SNTG1: variants seen among roughly 807,000 people sequenced by gnomAD.
SNTG1 encodes the protein syntrophin gamma 1, also known as gamma-1-syntrophin.
Under a neutral mutation model 74.7 loss-of-function variants are expected in SNTG1, and 39 were observed. That is an observed-to-expected ratio of 0.52 (90% CI 0.40 to 0.68). The LOEUF is 0.68. SNTG1 is among the 30% of genes least tolerant of loss of function. The pLI is 0.00. For missense variants in SNTG1, 685 were observed against 609.5 expected, an observed-to-expected ratio of 1.12 and a Z score of -1.30; for synonymous variants, 254 against 217.1, an observed-to-expected ratio of 1.17 and a Z score of -1.49.
intron 16 of SNTG1, among the ~76,000 whole-genome samples, chr8:50,707,698 C>G (rs1156719903): frequency 7.5e-6 from 1 of 132,730 alleles, no homozygotes; most frequent in East Asian, 2.1e-4. Flanking sequence ...TCCTTTTTTT[C>G]TTCTCTCTCT....
intron 2 of SNTG1, among the ~76,000 whole-genome samples, chr8:50,379,332 C>A (rs1205225173): frequency 6.6e-6 from 1 of 152,130 alleles, no homozygotes; most frequent in Admixed American, 6.5e-5. Context: ...GCAGGGGGGG[C>A]CTTCATGGGC....
intron 8 of SNTG1, among the ~76,000 whole-genome samples, chr8:50,465,777 A>G (rs1271399950): frequency 1.3e-5 from 2 of 152,116 alleles, no homozygotes; most frequent in Admixed American, 6.6e-5. Context: ...CTGGCTTGAA[A>G]GCTCTTTTTG....
chr8:50,441,256 C>T (rs1246643516), intron 5 of SNTG1, among the ~76,000 whole-genome samples: 1 of 152,170 alleles, frequency 6.6e-6, no homozygotes, highest in African/African-American at 2.4e-5. Flanking sequence ...ATATTGCTGT[C>T]TCTCTCAAGC....
chr8:50,104,847 T>G (rs1023934718), intron 1 of SNTG1, among the ~76,000 whole-genome samples: 8 of 152,138 alleles, frequency 5.3e-5, no homozygotes, highest in Non-Finnish European at 1.0e-4. Flanking sequence ...TTTTGAGAAG[T>G]GTCTGTTCAT....
At chr8:50,538,647 G>A (rs1381656581) in intron 11 of SNTG1, among the ~76,000 whole-genome samples, 6 of 151,524 alleles carry the variant, frequency 4.0e-5, no homozygotes, top group South Asian at 4.1e-4. Flanking sequence ...TAATTATGAC[G>A]TATGTTGGCA....
chr8:50,699,078 T>C (rs1298748566), intron 15 of SNTG1, among the ~76,000 whole-genome samples: 1 of 152,168 alleles, frequency 6.6e-6, no homozygotes, highest in Non-Finnish European at 1.5e-5. Flanking sequence ...ATTAGAGATT[T>C]ATTTTGCCAA....
chr8:50,309,596 G>C (rs1051140541), intron 2 of SNTG1, among the ~76,000 whole-genome samples: 3 of 152,102 alleles, frequency 2.0e-5, no homozygotes, highest in African/African-American at 7.2e-5. Context: ...ATCTTTCTTG[G>C]TAATAAAACT....
rs1231787082 is a variant in SNTG1, at chr8:50,565,348, A to C, written c.810+12169A>C. Among the ~76,000 whole-genome samples, 4 of 152,050 alleles carry C rather than the reference A, an allele frequency of 2.6e-5. No homozygotes were observed. The East Asian group carries it at 7.7e-4, about 29-fold the overall frequency. ...CTTTCGTTAATATTAGTGTATTCAT[A>C]TCATTGTATTATTAATCATAATAAA... On this transcript the variant is annotated intron_variant, in intron 12 of 18. Transcript: ENST00000642720.
At chr8:50,097,070 C>A (rs900351849) in intron 1 of SNTG1, among the ~76,000 whole-genome samples, 1 of 151,878 alleles carries the variant, frequency 6.6e-6, no homozygotes, top group Non-Finnish European at 1.5e-5. Context: ...CCTGGGTTCA[C>A]ACCATTCTCC....
intron 9 of SNTG1, among the ~76,000 whole-genome samples, chr8:50,507,470 T>C (rs2094017403): frequency 6.6e-6 from 1 of 152,104 alleles, no homozygotes; most frequent in African/African-American, 2.4e-5. Context: ...CTTCGTATTT[T>C]GTGAGGAATT....
chr8:50,353,713 G>T (rs930558818), intron 2 of SNTG1, among the ~76,000 whole-genome samples: 6 of 152,142 alleles, frequency 3.9e-5, no homozygotes, highest in African/African-American at 1.4e-4. Flanking sequence ...GCCAAGGCCA[G>T]AAACCATTTC....
At chr8:50,734,856 T>G (rs28514747) in intron 17 of SNTG1, among the ~76,000 whole-genome samples, 6 of 118,550 alleles carry the variant, frequency 5.1e-5, no homozygotes, top group Non-Finnish European at 5.1e-5. Context: ...TGGACATATA[T>G]ATATCTATAT....
At chr8:50,792,122 C>T (rs964465563) in intron 18 of SNTG1, among the ~76,000 whole-genome samples, 1 of 150,080 alleles carries the variant, frequency 6.7e-6, no homozygotes, top group Non-Finnish European at 1.5e-5. Context: ...AACCATTAAA[C>T]AGCCAGCCAC....
chr8:50,587,160 A>C (rs1274199466), intron 12 of SNTG1, among the ~76,000 whole-genome samples: 5 of 151,686 alleles, frequency 3.3e-5, no homozygotes, highest in Non-Finnish European at 7.4e-5. Flanking sequence ...TGCATATATA[A>C]ATTTATATAT....
chr8:50,654,036 G>C (rs1265370933), intron 13 of SNTG1, among the ~76,000 whole-genome samples: 1 of 152,008 alleles, frequency 6.6e-6, no homozygotes, highest in African/African-American at 2.4e-5. Flanking sequence ...GTTCTCTGAA[G>C]ACACATGCCA....
At chr8:50,003,418 A>T (rs974843923) in intron 1 of SNTG1, among the ~76,000 whole-genome samples, 1 of 152,208 alleles carries the variant, frequency 6.6e-6, no homozygotes, top group African/African-American at 2.4e-5. Flanking sequence ...CAGATGCTTT[A>T]GAAAAATCTT....
intron 13 of SNTG1, among the ~76,000 whole-genome samples, chr8:50,647,916 T>TA (rs1235200308): frequency 6.6e-6 from 1 of 152,104 alleles, no homozygotes; most frequent in Non-Finnish European, 1.5e-5. Context: ...AATTAAGAGA[T>TA]ACACTGTTTC....
chr8:50,722,970 TC>T (rs1280483600), intron 17 of SNTG1, among the ~76,000 whole-genome samples: 1 of 152,194 alleles, frequency 6.6e-6, no homozygotes, highest in African/African-American at 2.4e-5. Flanking sequence ...TATTACATAT[TC>T]TATTCTATAG....
chr8:50,648,977 C>G (rs1366772830), intron 13 of SNTG1, among the ~76,000 whole-genome samples: 1 of 151,988 alleles, frequency 6.6e-6, no homozygotes, highest in Non-Finnish European at 1.5e-5. Flanking sequence ...ATATGTATGA[C>G]TCTATATTGG....
Sources: allele counts gnomAD v4.1 joint callset (sites outside exome capture counted in the v4.1 genomes callset), GRCh38; gene constraint gnomAD v4.1.1; transcripts MANE v1.5; gene names NCBI Gene and HGNC (gene_info 2026-07-23, HGNC 2026-07-21).